Variants in ARHGAP12 observed in about 807,000 individuals in gnomAD.
The protein encoded by ARHGAP12 is rho GTPase-activating protein 12.
Under a neutral mutation model 108.6 loss-of-function variants are expected in ARHGAP12, and 64 were observed. That is an observed-to-expected ratio of 0.59 (90% CI 0.48 to 0.73). The LOEUF (loss-of-function observed/expected upper bound fraction) is 0.73. Among genes scored for constraint, ARHGAP12 ranks in the 30% least tolerant of loss-of-function variants. The pLI is 0.00. For missense variants in ARHGAP12, 940 were observed against 1,005.9 expected, an observed-to-expected ratio of 0.93 and a Z score of 0.89; for synonymous variants, 312 against 337.2, an observed-to-expected ratio of 0.93 and a Z score of 0.82.
intron 1 of ARHGAP12, among the ~76,000 whole-genome samples, chr10:31,926,354 C>G (rs540941080): frequency 1.4e-4 from 21 of 150,182 alleles, no homozygotes; most frequent in Admixed American, 7.9e-4. Context: ...AAAAAAACCA[C>G]AAGGATAGTG....
intron 1 of ARHGAP12, among the ~76,000 whole-genome samples, chr10:31,927,189 T>C (rs530590801): frequency 1.7e-5 from 2 of 116,016 alleles, no homozygotes; most frequent in Non-Finnish European, 3.6e-5. Flanking sequence ...CACTGCCTGC[T>C]TTGGGCTCTC....
intron 3 of ARHGAP12, among the ~76,000 whole-genome samples, chr10:31,898,007 C>G (rs1304189571): frequency 1.3e-5 from 2 of 151,992 alleles, no homozygotes; most frequent in Non-Finnish European, 2.9e-5. Context: ...GCCTGCTGTC[C>G]CAGCTACTTG....
chr10:31,810,102 A>G (rs1487836141), intron 16 of ARHGAP12, among the ~76,000 whole-genome samples: 1 of 152,194 alleles, frequency 6.6e-6, no homozygotes, highest in East Asian at 1.9e-4. Context: ...AGTTAATGTG[A>G]TTACAATATA....
At position 31,809,089 on chromosome 10, in the gene ARHGAP12, A is replaced by G. The variant is rs1317565054; in HGVS notation, c.2168T>C (p.Ile723Thr). The G allele has an allele frequency of 4.3e-6, 7 of 1,613,592 alleles. No individual in the cohort carries two copies. Among genetic ancestry groups the G allele is most frequent in the East Asian group, 2.2e-5 (1 of 44,842 alleles). The change falls in exon 18 of 20, where the codon ATT (isoleucine) becomes ACT (threonine). Residue 723 changes from isoleucine (I) to threonine (T), a missense_variant. Physicochemically the swap from Ile to Thr is moderately conservative, Grantham distance 89. Coordinates refer to ENST00000344936, the MANE Select transcript of ARHGAP12 (RefSeq NM_018287.7). ...LDLNDSKWEDIHVITGALKMF... is the reference protein window; with the variant it reads ...LDLNDSKWEDTHVITGALKMF... ...TTTGAGGGCTCCAGTAATGACATGAATATCTTCCCATTTACTGTCATTCAA... is the reference window on the plus strand; with the variant it reads ...TTTGAGGGCTCCAGTAATGACATGAGTATCTTCCCATTTACTGTCATTCAA...
chr10:31,912,027 C>T (rs1352873273), intron 1 of ARHGAP12, among the ~76,000 whole-genome samples: 1 of 152,198 alleles, frequency 6.6e-6, no homozygotes, highest in Non-Finnish European at 1.5e-5. Context: ...AATATGCTCA[C>T]CCCATGGTCT....
intron 3 of ARHGAP12, 107 bp from the exon 4 acceptor site, chr10:31,861,765 T>A: frequency 1.0e-6 from 1 of 995,446 alleles, no homozygotes; most frequent in Non-Finnish European, 1.4e-6. Flanking sequence ...TTTTAAAACA[T>A]ATATACAGGT....
chr10:31,832,295 G>T (rs1835862410), intron 9 of ARHGAP12, among the ~76,000 whole-genome samples: 1 of 152,076 alleles, frequency 6.6e-6, no homozygotes, highest in South Asian at 2.1e-4. Context: ...AAGTTAACTG[G>T]TATCATGTAC....
intron 3 of ARHGAP12, among the ~76,000 whole-genome samples, chr10:31,901,520 C>G (rs1364014125): frequency 1.3e-5 from 1 of 77,224 alleles, no homozygotes; most frequent in African/African-American, 6.0e-5. Context: ...GGTGACAGAG[C>G]AAAAACCTGG....
intron 16 of ARHGAP12, chr10:31,809,720 G>A (rs12242187): frequency 0.05 from 7,874 of 157,286 alleles, 674 homozygotes; most frequent in African/African-American, 0.18. Context: ...CTTTATTGAA[G>A]GCATCTGTCA....
intron 1 of ARHGAP12, among the ~76,000 whole-genome samples, chr10:31,926,252 G>A (rs908021960): frequency 1.3e-5 from 2 of 151,752 alleles, no homozygotes; most frequent in African/African-American, 4.8e-5. Flanking sequence ...TATTCATTAA[G>A]TCCATGAAGT....
At chr10:31,894,752 A>G (rs1028408069) in intron 3 of ARHGAP12, among the ~76,000 whole-genome samples, 1 of 152,186 alleles carries the variant, frequency 6.6e-6, no homozygotes, top group African/African-American at 2.4e-5. Context: ...AAACTACTTT[A>G]AAGTTCATAT....
At chr10:31,911,006 ATTATT>A (rs1839320668) in intron 1 of ARHGAP12, among the ~76,000 whole-genome samples, 1 of 151,992 alleles carries the variant, frequency 6.6e-6, no homozygotes, top group Admixed American at 6.6e-5. Flanking sequence ...TTACTTCCTA[ATTATT>A]TTATTTATTT....
intron 3 of ARHGAP12, among the ~76,000 whole-genome samples, chr10:31,869,865 T>G (rs1299958104): frequency 2.6e-5 from 4 of 152,208 alleles, no homozygotes; most frequent in African/African-American, 9.6e-5. Context: ...CTTTTGACAT[T>G]AGTTCAGAAT....
intron 11 of ARHGAP12, among the ~76,000 whole-genome samples, chr10:31,824,733 A>C (rs1835543574): frequency 6.6e-6 from 1 of 152,144 alleles, no homozygotes; most frequent in South Asian, 2.1e-4. Flanking sequence ...GCTCTGTCTA[A>C]TGGCTTCATC....
chr10:31,868,130 G>A (rs1013445639), intron 3 of ARHGAP12, among the ~76,000 whole-genome samples: 1 of 151,848 alleles, frequency 6.6e-6, no homozygotes. Flanking sequence ...CCCTGGGGGC[G>A]GAGGATGCAA....
intron 1 of ARHGAP12, among the ~76,000 whole-genome samples, chr10:31,923,694 C>T (rs114256198): frequency 1.4e-4 from 21 of 152,214 alleles, no homozygotes; most frequent in Middle Eastern, 3.4e-3. Flanking sequence ...CCATAGTACA[C>T]GAGTCCATCT....
chr10:31,903,379 T>C (rs1311853838), intron 3 of ARHGAP12, among the ~76,000 whole-genome samples: 1 of 152,192 alleles, frequency 6.6e-6, no homozygotes, highest in Non-Finnish European at 1.5e-5. Context: ...CAGTCCATCA[T>C]TGACTGAAAT....
intron 3 of ARHGAP12, among the ~76,000 whole-genome samples, chr10:31,887,981 A>T (rs964639583): frequency 6.6e-6 from 1 of 152,110 alleles, no homozygotes; most frequent in Non-Finnish European, 1.5e-5. Context: ...TATAGTACAT[A>T]GAATTCCTCT....
intron 3 of ARHGAP12, 74 bp from the exon 4 acceptor site, chr10:31,861,732 G>C (rs1250947252): frequency 2.4e-5 from 34 of 1,414,148 alleles, no homozygotes; most frequent in Non-Finnish European, 3.2e-5. Context: ...TGAAACAGGA[G>C]ATTTATAAAC....
Sources: allele counts gnomAD v4.1 joint callset (sites outside exome capture counted in the v4.1 genomes callset), GRCh38; gene constraint gnomAD v4.1.1; transcripts MANE v1.5; gene names NCBI Gene and HGNC (gene_info 2026-07-23, HGNC 2026-07-21).